The following RBFOX1 variants were observed in gnomAD, a reference collection of about 807,000 sequenced individuals.
The protein encoded by RBFOX1 is RNA binding fox-1 homolog 1.
A neutral mutation model predicts 57.7 loss-of-function variants in RBFOX1; 8 were observed. That is an observed-to-expected ratio of 0.14 (90% CI 0.08 to 0.25). The LOEUF is 0.25. Ranked by LOEUF, RBFOX1 falls within the 10% of genes least tolerant of loss-of-function variation. The probability of loss-of-function intolerance (pLI) is 1.00; values close to 1 mark genes in which losing one functional copy is unlikely to be tolerated. For missense variants in RBFOX1, 611 were observed against 548.5 expected (o/e 1.11, Z -1.14); for synonymous variants, 326 against 222.4 (o/e 1.47, Z -4.15).
rs569826965 is a variant in RBFOX1, at chr16:6,299,918, A to G, written c.-126-17077A>G. Among the ~76,000 whole-genome samples, 12 of 152,258 alleles carry G rather than the reference A, an allele frequency of 7.9e-5. No individual in the cohort carries two copies. The East Asian group carries it at 1.9e-3, about 25-fold the overall frequency. On this transcript the variant is annotated intron_variant, in intron 1 of 15. Coordinates refer to ENST00000550418, the MANE Select transcript of RBFOX1 (RefSeq NM_018723.4). ...TTAACACAATATACCTCTGTAACAA[A>G]CCTGCTTGTGTGCCCCCAGAACCTA... is the stretch of plus-strand genomic sequence containing the variant.
chr16:6,049,502 C>G lies in RBFOX1; in HGVS notation c.-127+29510C>G, dbSNP rs368059307. On this transcript the variant is annotated intron_variant, in intron 1 of 15. Coordinates refer to ENST00000550418, the MANE Select transcript of RBFOX1 (RefSeq NM_018723.4). ...CTAGTCTCATGCTACTAGTCTTAAGCAAATACCAGATATCATATCATTGTT... is the reference window on the plus strand; with the variant it reads ...CTAGTCTCATGCTACTAGTCTTAAGGAAATACCAGATATCATATCATTGTT... 4.6e-5 allele frequency among the ~76,000 whole-genome samples: 7 copies of G among 152,210 alleles called. No individual in the cohort carries two copies. The East Asian group carries it at 1.3e-3, about 29-fold the overall frequency.
intron 1 of RBFOX1, among the ~76,000 whole-genome samples, chr16:5,262,560 G>T (rs1332126506): frequency 6.6e-6 from 1 of 152,180 alleles, no homozygotes; most frequent in African/African-American, 2.4e-5. Flanking sequence ...CAGACTCCAG[G>T]ACTCCTTAGC....
In RBFOX1 at chr16:6,093,096, C is replaced by A. The variant is rs1567437694; in HGVS notation, c.-127+73104C>A. On this transcript the variant is annotated intron_variant, in intron 1 of 15. Transcript: ENST00000550418. ...TTTAAAAATATTACCCTTTTGTTTG[C>A]TTCATTTTGCAAGAAAACTGGTTGG... 2 of 152,144 alleles carry A rather than the reference C, an allele frequency of 1.3e-5. 1 individual carries two copies. Among genetic ancestry groups the A allele is most frequent in the South Asian group, 4.1e-4 (2 of 4,824 alleles). 9.4% of individuals were successfully genotyped at this position (152,144 alleles called of 1,614,324 possible).
At chr16:6,044,837 T>G (rs1329455754) in intron 1 of RBFOX1, among the ~76,000 whole-genome samples, 1 of 152,228 alleles carries the variant, frequency 6.6e-6, no homozygotes, top group Non-Finnish European at 1.5e-5. Flanking sequence ...GCTAGGGCTT[T>G]CTCATTGTTC....
intron 4 of RBFOX1, among the ~76,000 whole-genome samples, chr16:7,500,834 C>A (rs1452988317): frequency 6.6e-6 from 1 of 152,180 alleles, no homozygotes; most frequent in Non-Finnish European, 1.5e-5. Context: ...TTCCCATAAT[C>A]CCCATGTCTC....
chr16:6,774,982 T>C (rs924883007), intron 3 of RBFOX1, among the ~76,000 whole-genome samples: 1 of 152,056 alleles, frequency 6.6e-6, no homozygotes, highest in African/African-American at 2.4e-5. Context: ...AAAGAATGAA[T>C]ATGTATCTTT....
intron 3 of RBFOX1, among the ~76,000 whole-genome samples, chr16:5,690,546 G>C (rs962149190): frequency 6.8e-6 from 1 of 147,192 alleles, no homozygotes; most frequent in African/African-American, 2.4e-5. Context: ...ACTCACTTCT[G>C]TTGTGGCCAG....
At chr16:7,264,631 G>C (rs2095058184) in intron 4 of RBFOX1, among the ~76,000 whole-genome samples, 2 of 152,098 alleles carry the variant, frequency 1.3e-5, no homozygotes, top group Non-Finnish European at 2.9e-5. Context: ...TTTGATTTAT[G>C]GACACTGGAA....
chr16:7,520,989 T>G (rs1016125650), intron 5 of RBFOX1, among the ~76,000 whole-genome samples: 1 of 152,194 alleles, frequency 6.6e-6, no homozygotes, highest in African/African-American at 2.4e-5. Context: ...TAACTTAGTA[T>G]GAGAGGCAGA....
At chr16:7,585,086 C>T (rs550666805) in intron 6 of RBFOX1, among the ~76,000 whole-genome samples, 1 of 152,318 alleles carries the variant, frequency 6.6e-6, no homozygotes, top group East Asian at 1.9e-4. Flanking sequence ...CCTTTTCAAG[C>T]TTCTCTTTCT....
intron 2 of RBFOX1, among the ~76,000 whole-genome samples, chr16:6,338,769 G>A (rs1272229595): frequency 1.3e-5 from 2 of 152,202 alleles, no homozygotes; most frequent in Non-Finnish European, 2.9e-5. Flanking sequence ...CAAACCAGGT[G>A]ACCATTATTA....
intron 3 of RBFOX1, among the ~76,000 whole-genome samples, chr16:6,902,615 A>T (rs1205341345): frequency 4.6e-5 from 7 of 152,144 alleles, no homozygotes; most frequent in Non-Finnish European, 8.8e-5. Flanking sequence ...CCAGCTATTC[A>T]GGAGGCTCAG....
At chr16:6,061,177 G>C (rs1049090819) in intron 1 of RBFOX1, among the ~76,000 whole-genome samples, 2 of 152,148 alleles carry the variant, frequency 1.3e-5, no homozygotes, top group Non-Finnish European at 2.9e-5. Context: ...CCCGGCAGCA[G>C]ATACAGGGGT....
At chr16:5,334,772 A>G (rs1223187071) in intron 1 of RBFOX1, among the ~76,000 whole-genome samples, 1 of 151,556 alleles carries the variant, frequency 6.6e-6, no homozygotes, top group Non-Finnish European at 1.5e-5. Context: ...AACGTTAAAG[A>G]TGGCCAACCG....
At chr16:5,251,385 G>A (rs1286936485) in intron 1 of RBFOX1, among the ~76,000 whole-genome samples, 2 of 152,228 alleles carry the variant, frequency 1.3e-5, no homozygotes, top group African/African-American at 4.8e-5. Flanking sequence ...CAGTCAGCAC[G>A]TGTGGGGCAG....
rs1020395323 is a variant in RBFOX1 at position 5,490,571 on chromosome 16, G to A, written c.258+23317G>A. On this transcript the variant is annotated intron_variant, in intron 2 of 2. Transcript: ENST00000585867. The stretch of plus-strand genomic sequence containing the variant: ...AGAATGGAATCCCCCGCCCTCCATG[G>A]TGCTGGCCGAGGGCGGGGTGAGGGG... 7.2e-5 allele frequency among the ~76,000 whole-genome samples: 11 copies of A among 152,326 alleles called. No homozygotes were observed. In the Middle Eastern group the frequency reaches 0.01, roughly 141 times the overall value.
chr16:6,636,609 A>G (rs1435024175), intron 2 of RBFOX1, among the ~76,000 whole-genome samples: 2 of 151,472 alleles, frequency 1.3e-5, no homozygotes, highest in Non-Finnish European at 2.9e-5. Context: ...TAAAAATTGT[A>G]TTTTTTGTGT....
chr16:7,153,407 T>A (rs1162274909), intron 4 of RBFOX1, among the ~76,000 whole-genome samples: 1 of 151,862 alleles, frequency 6.6e-6, no homozygotes, highest in Non-Finnish European at 1.5e-5. Context: ...CCAGGAAAAA[T>A]TTGGTTTAGG....
At chr16:6,760,630 G>A (rs531692446) in intron 3 of RBFOX1, among the ~76,000 whole-genome samples, 11 of 152,286 alleles carry the variant, frequency 7.2e-5, no homozygotes, top group South Asian at 6.2e-4. Flanking sequence ...ACTGAATTGG[G>A]TGAGACAAAT....
Sources: allele counts gnomAD v4.1 joint callset (sites outside exome capture counted in the v4.1 genomes callset), GRCh38; gene constraint gnomAD v4.1.1; transcripts MANE v1.5; gene names NCBI Gene and HGNC (gene_info 2026-07-23, HGNC 2026-07-21).